BCAR3: variants seen among roughly 807,000 people sequenced by gnomAD.
BCAR3 encodes BCAR3 adaptor protein, NSP family member.
A neutral mutation model predicts 80.1 loss-of-function variants in BCAR3; 37 were observed. That is an observed-to-expected ratio of 0.46 (90% CI 0.36 to 0.61). The LOEUF is 0.61. BCAR3 is among the 20% of genes least tolerant of loss of function. BCAR3 has a pLI of 0.00. For missense variants in BCAR3, 978 were observed against 1,068.2 expected, an observed-to-expected ratio of 0.92 and a Z score of 1.18; for synonymous variants, 389 against 418.9, an observed-to-expected ratio of 0.93 and a Z score of 0.87.
chr1:93,717,308 A>T (rs1046144504), intron 2 of BCAR3, among the ~76,000 whole-genome samples: 4 of 152,364 alleles, frequency 2.6e-5, no homozygotes, highest in African/African-American at 9.6e-5. Flanking sequence ...AAAATTGCTG[A>T]GTTTGTAATT....
intron 2 of BCAR3, among the ~76,000 whole-genome samples, chr1:93,838,261 A>G (rs946516488): frequency 1.3e-5 from 2 of 152,236 alleles, no homozygotes; most frequent in African/African-American, 4.8e-5. Flanking sequence ...GTGCTGCATC[A>G]CAACATGGCA....
intron 2 of BCAR3, among the ~76,000 whole-genome samples, chr1:93,732,480 T>C (rs1650823735): frequency 6.6e-6 from 1 of 151,988 alleles, no homozygotes; most frequent in Non-Finnish European, 1.5e-5. Flanking sequence ...CCGGGAGTGG[T>C]GGTGGGTGCC....
intron 2 of BCAR3, among the ~76,000 whole-genome samples, chr1:93,664,100 A>C (rs1467642028): frequency 1.3e-5 from 2 of 152,150 alleles, no homozygotes; most frequent in African/African-American, 4.8e-5. Flanking sequence ...TGGTTCTTTC[A>C]TTTCAACAGC....
chr1:93,567,070 T>C (rs767434748), intron 11 of BCAR3, among the ~76,000 whole-genome samples: 11 of 152,124 alleles, frequency 7.2e-5, no homozygotes, highest in South Asian at 2.1e-4. Context: ...TTCTATACCA[T>C]TGAACAACAG....
chr1:93,590,756 G>T (rs1332432749), intron 4 of BCAR3, among the ~76,000 whole-genome samples: 1 of 152,168 alleles, frequency 6.6e-6, no homozygotes, highest in Admixed American at 6.5e-5. Context: ...GAAAATAATT[G>T]TAGGTATGAA....
chr1:93,772,615 GT>G (rs1440249076), intron 2 of BCAR3, among the ~76,000 whole-genome samples: 2 of 151,772 alleles, frequency 1.3e-5, no homozygotes, highest in African/African-American at 4.8e-5. Flanking sequence ...TTTATTTATT[GT>G]TTTTTTGAGA....
At chr1:93,659,564 A>G (rs543739210) in intron 2 of BCAR3, among the ~76,000 whole-genome samples, 1 of 151,824 alleles carries the variant, frequency 6.6e-6, no homozygotes, top group East Asian at 1.9e-4. Context: ...ATAGAAATAT[A>G]TATTATATAT....
At chr1:93,808,942 C>T (rs1326981249) in intron 2 of BCAR3, among the ~76,000 whole-genome samples, 1 of 152,104 alleles carries the variant, frequency 6.6e-6, no homozygotes, top group Admixed American at 6.5e-5. Flanking sequence ...TGGTCTTCAA[C>T]TTGTAGAGTC....
intron 3 of BCAR3, among the ~76,000 whole-genome samples, chr1:93,606,225 G>T (rs765184915): frequency 3.9e-5 from 6 of 152,132 alleles, no homozygotes; most frequent in Non-Finnish European, 8.8e-5. Flanking sequence ...AATGCAAACA[G>T]CAAACATCCT....
At chr1:93,672,111 CA>C (rs1461884767) in intron 2 of BCAR3, among the ~76,000 whole-genome samples, 1 of 152,114 alleles carries the variant, frequency 6.6e-6, no homozygotes, top group Non-Finnish European at 1.5e-5. Flanking sequence ...AACCCTAAAC[CA>C]GGAGTGCTTG....
chr1:93,606,967 G>A (rs1247903874), intron 3 of BCAR3, among the ~76,000 whole-genome samples: 1 of 152,186 alleles, frequency 6.6e-6, no homozygotes, highest in Non-Finnish European at 1.5e-5. Context: ...CAATGTGCAG[G>A]TCACTGGTGG....
intron 2 of BCAR3, chr1:93,754,301 G>A (rs1038387475): frequency 2.0e-5 from 3 of 152,218 alleles, no homozygotes; most frequent in African/African-American, 7.2e-5. Context: ...TGTCAACACA[G>A]AGATCACTGA....
intron 3 of BCAR3, among the ~76,000 whole-genome samples, chr1:93,602,738 C>G (rs1434124638): frequency 3.3e-5 from 5 of 152,166 alleles, no homozygotes; most frequent in Non-Finnish European, 7.3e-5. Flanking sequence ...TGATCATGAA[C>G]CCAAAGAATG....
intron 6 of BCAR3, 101 bp from the exon 7 acceptor site, chr1:93,583,054 TG>T: frequency 7.6e-7 from 1 of 1,317,496 alleles, no homozygotes; most frequent in Non-Finnish European, 1.0e-6. Flanking sequence ...TTCATGCCCT[TG>T]GGCTTCAATT....
At chr1:93,728,788 A>G (rs145068524) in intron 2 of BCAR3, among the ~76,000 whole-genome samples, 19 of 152,168 alleles carry the variant, frequency 1.2e-4, no homozygotes, top group Non-Finnish European at 1.8e-4. Context: ...TGCTTCTCTC[A>G]ACATCCAGCC....
intron 2 of BCAR3, among the ~76,000 whole-genome samples, chr1:93,782,041 C>A (rs766379483): frequency 6.6e-6 from 1 of 152,124 alleles, no homozygotes; most frequent in Admixed American, 6.5e-5. Context: ...AATGTGAAGT[C>A]TAAAGGATGG....
At chr1:93,779,488 G>A (rs1449075446) in intron 2 of BCAR3, among the ~76,000 whole-genome samples, 1 of 152,182 alleles carries the variant, frequency 6.6e-6, no homozygotes, top group African/African-American at 2.4e-5. Context: ...ATAAAGCATG[G>A]CAAGAGGATA....
At chr1:93,566,074 A>T (rs1416268110) in intron 11 of BCAR3, among the ~76,000 whole-genome samples, 1 of 151,816 alleles carries the variant, frequency 6.6e-6, no homozygotes, top group African/African-American at 2.4e-5. Context: ...CCATGATTAA[A>T]CCCTTCACTG....
intron 3 of BCAR3, among the ~76,000 whole-genome samples, chr1:93,693,278 C>T (rs1649265111): frequency 6.6e-6 from 1 of 152,252 alleles, no homozygotes; most frequent in South Asian, 2.1e-4. Context: ...GGGGGGCTAA[C>T]CCCTGGTGCT....
Sources: allele counts gnomAD v4.1 joint callset (sites outside exome capture counted in the v4.1 genomes callset), GRCh38; gene constraint gnomAD v4.1.1; transcripts MANE v1.5; gene names NCBI Gene and HGNC (gene_info 2026-07-23, HGNC 2026-07-21).